The following PLPPR1 variants were observed in gnomAD, a reference collection of about 807,000 sequenced individuals.
The protein encoded by PLPPR1 is phospholipid phosphatase-related protein type 1.
PLPPR1 carries 10 observed loss-of-function variants against 33.1 expected under a neutral mutation model. That is an observed-to-expected ratio of 0.30 (90% CI 0.19 to 0.51). The LOEUF (loss-of-function observed/expected upper bound fraction) is 0.51. PLPPR1 is among the 20% of genes least tolerant of loss of function. The probability of loss-of-function intolerance (pLI) is 0.97; values close to 1 mark genes in which losing one functional copy is unlikely to be tolerated. For missense variants in PLPPR1, 304 were observed against 408.1 expected (o/e 0.74, Z 2.20); for synonymous variants, 151 against 151.0 (o/e 1.00, Z 0.00).
At chr9:101,134,456 C>T (rs759666437) in intron 1 of PLPPR1, among the ~76,000 whole-genome samples, 27 of 151,404 alleles carry the variant, frequency 1.8e-4, no homozygotes, top group Non-Finnish European at 8.8e-5. Context: ...GACCTGGGCT[C>T]ACTGCAACCT....
In PLPPR1 at chr9:101,286,154, CCT is replaced by C; in HGVS notation, c.304_305del (p.Leu102AspfsTer37). 6.2e-7 allele frequency: 1 copy of C among 1,612,584 alleles called. No homozygotes were observed. Among genetic ancestry groups the C allele is most frequent in the Non-Finnish European group, 8.5e-7 (1 of 1,178,720 alleles). On this transcript the variant is annotated frameshift_variant, in exon 4 of 8. Coordinates refer to ENST00000374874, the MANE Select transcript of PLPPR1 (RefSeq NM_207299.2). LOFTEE classifies it high-confidence loss of function. ...MYFIKSTRES[L>X]IAQEKTILTG... is the part of the protein sequence containing the mutation. ...ATTTCATAAAATCAACAAGAGAATCCCTGATTGCTCAGGAGAAAACAATTCTG... is the reference window on the plus strand; with the variant it reads ...ATTTCATAAAATCAACAAGAGAATCCGATTGCTCAGGAGAAAACAATTCTG...
intron 4 of PLPPR1, among the ~76,000 whole-genome samples, chr9:101,303,419 A>T (rs1828789514): frequency 6.6e-6 from 1 of 152,170 alleles, no homozygotes; most frequent in African/African-American, 2.4e-5. Context: ...CTCCTGTCTC[A>T]GCCTCCTGAG....
chr9:101,171,279 A>T (rs1468091231), intron 1 of PLPPR1, among the ~76,000 whole-genome samples: 1 of 152,164 alleles, frequency 6.6e-6, no homozygotes, highest in Non-Finnish European at 1.5e-5. Context: ...ATGAACAAGG[A>T]CAATGTACTG....
intron 1 of PLPPR1, among the ~76,000 whole-genome samples, chr9:101,132,285 C>T (rs1422421366): frequency 6.6e-6 from 1 of 152,012 alleles, no homozygotes; most frequent in Non-Finnish European, 1.5e-5. Flanking sequence ...TGAGTTTATC[C>T]CTGTAGGAAA....
At chr9:101,298,193 T>C (rs544409853) in intron 4 of PLPPR1, among the ~76,000 whole-genome samples, 6 of 152,272 alleles carry the variant, frequency 3.9e-5, no homozygotes, top group East Asian at 3.9e-4. Flanking sequence ...AGCACTAAAA[T>C]AGCTTGTCAT....
intron 2 of PLPPR1, among the ~76,000 whole-genome samples, chr9:101,240,186 T>C (rs1364760690): frequency 6.6e-6 from 1 of 151,980 alleles, no homozygotes; most frequent in African/African-American, 2.4e-5. Flanking sequence ...AGCACCTTTG[T>C]TGAAAAATCA....
chr9:101,088,256 A>G (rs1214776724), intron 1 of PLPPR1, among the ~76,000 whole-genome samples: 1 of 152,332 alleles, frequency 6.6e-6, no homozygotes, highest in East Asian at 1.9e-4. Context: ...TGGTAAGAGT[A>G]CAGAAAATCT....
chr9:101,115,749 T>G (rs1831110716), intron 1 of PLPPR1, among the ~76,000 whole-genome samples: 2 of 152,238 alleles, frequency 1.3e-5, no homozygotes, highest in African/African-American at 4.8e-5. Flanking sequence ...TTTCTTGCTT[T>G]CTTTATACTC....
chr9:101,137,348 G>A (rs563278727), intron 1 of PLPPR1, among the ~76,000 whole-genome samples: 2 of 152,300 alleles, frequency 1.3e-5, no homozygotes, highest in Admixed American at 6.5e-5. Flanking sequence ...TCAGGGAGGA[G>A]AAGAGCACAG....
At chr9:101,138,751 C>A (rs971274798) in intron 1 of PLPPR1, among the ~76,000 whole-genome samples, 2 of 152,176 alleles carry the variant, frequency 1.3e-5, no homozygotes, top group Admixed American at 6.5e-5. Context: ...GGAATTATCA[C>A]CCTCCAGTGA....
At chr9:101,299,052 G>A (rs556523423) in intron 4 of PLPPR1, among the ~76,000 whole-genome samples, 1 of 152,322 alleles carries the variant, frequency 6.6e-6, no homozygotes, top group Admixed American at 6.5e-5. Flanking sequence ...ATAAGTGACA[G>A]TGCCCAGGCA....
chr9:101,081,857 A>G (rs1387343274), intron 1 of PLPPR1, among the ~76,000 whole-genome samples: 1 of 152,220 alleles, frequency 6.6e-6, no homozygotes, highest in Non-Finnish European at 1.5e-5. Context: ...ATTGACACAG[A>G]GCTAGGAGCA....
chr9:101,149,147 C>T (rs574429231), intron 1 of PLPPR1, among the ~76,000 whole-genome samples: 1 of 152,242 alleles, frequency 6.6e-6, no homozygotes, highest in South Asian at 2.1e-4. Context: ...GTGTTTTCCC[C>T]ACATGTGTGA....
intron 1 of PLPPR1, among the ~76,000 whole-genome samples, chr9:101,128,654 G>C (rs1831276740): frequency 6.6e-6 from 1 of 152,142 alleles, no homozygotes; most frequent in Admixed American, 6.6e-5. Flanking sequence ...CAAATACATA[G>C]GTAGGTATTA....
At chr9:101,275,009 A>C (rs1828162967) in intron 3 of PLPPR1, among the ~76,000 whole-genome samples, 1 of 152,242 alleles carries the variant, frequency 6.6e-6, no homozygotes, top group Non-Finnish European at 1.5e-5. Context: ...CTCCCAAATC[A>C]TGACTCTCTT....
At chr9:101,125,560 C>T in intron 1 of PLPPR1, 1 of 494,340 alleles carries the variant, frequency 2.0e-6, no homozygotes, top group Admixed American at 2.4e-5. Flanking sequence ...GTGCTGTCTC[C>T]TGCCTAAAGC....
At chr9:101,046,206 T>C (rs1418745202) in intron 1 of PLPPR1, among the ~76,000 whole-genome samples, 1 of 152,106 alleles carries the variant, frequency 6.6e-6, no homozygotes, top group Non-Finnish European at 1.5e-5. Context: ...CCCAGTTTTC[T>C]GCCCTTTTTT....
chr9:101,306,695 G>A lies in PLPPR1; in HGVS notation c.386-2516G>A, dbSNP rs578225721. Among the ~76,000 whole-genome samples, 13 of 152,238 alleles carry A rather than the reference G, an allele frequency of 8.5e-5. No homozygotes were observed. In the South Asian group the frequency reaches 2.7e-3, roughly 32 times the overall value. On this transcript the variant is annotated intron_variant, in intron 4 of 7. Coordinates refer to ENST00000374874, the MANE Select transcript of PLPPR1 (RefSeq NM_207299.2). Reference sequence around the variant, plus strand: ...TTAAGATAAATAGAACCATCTGAGGGGTGTGGGGTTACAGAAATGAAAAAT... The same window carrying A: ...TTAAGATAAATAGAACCATCTGAGGAGTGTGGGGTTACAGAAATGAAAAAT...
At chr9:101,052,668 C>T (rs895134477) in intron 1 of PLPPR1, among the ~76,000 whole-genome samples, 13 of 152,282 alleles carry the variant, frequency 8.5e-5, no homozygotes, top group Admixed American at 5.2e-4. Context: ...GGACAAGCCC[C>T]AATGTGCAAA....
Sources: allele counts gnomAD v4.1 joint callset (sites outside exome capture counted in the v4.1 genomes callset), GRCh38; gene constraint gnomAD v4.1.1; transcripts MANE v1.5; gene names NCBI Gene and HGNC (gene_info 2026-07-23, HGNC 2026-07-21).